KIAA0586: variants seen among roughly 807,000 people sequenced by gnomAD.
The protein encoded by KIAA0586 is KIAA0586, also known as protein TALPID3.
KIAA0586 carries 144 observed loss-of-function variants against 169.8 expected under a neutral mutation model. That is an observed-to-expected ratio of 0.85 (90% confidence interval 0.74 to 0.97). The LOEUF (loss-of-function observed/expected upper bound fraction) is 0.97, where lower values mean the gene tolerates loss of function less well. Among genes scored for constraint, KIAA0586 ranks in the 50% least tolerant of loss-of-function variants. The pLI is 0.00. For missense variants in KIAA0586, 1,854 were observed against 1,823.0 expected, an observed-to-expected ratio of 1.02 and a Z score of -0.31; for synonymous variants, 625 against 612.4, an observed-to-expected ratio of 1.02 and a Z score of -0.30.
chr14:58,495,421 C>T (rs535959088), intron 26 of KIAA0586, among the ~76,000 whole-genome samples: 1 of 152,052 alleles, frequency 6.6e-6, no homozygotes, highest in Admixed American at 6.6e-5. Context: ...CCCATCTCAG[C>T]CCCCAGAGTA....
At chr14:58,440,165 G>T in intron 4 of KIAA0586, 1 of 446,184 alleles carries the variant, frequency 2.2e-6, no homozygotes, top group Non-Finnish European at 4.5e-6. Context: ...TTACAGGCAT[G>T]TAGCACTACA....
intron 26 of KIAA0586, among the ~76,000 whole-genome samples, chr14:58,497,525 A>G (rs1358672128): frequency 6.6e-6 from 1 of 150,592 alleles, no homozygotes; most frequent in East Asian, 2.0e-4. Flanking sequence ...ACGCCTGGCT[A>G]ATTTTTGTAC....
At chr14:58,513,483 A>G (rs567627547) in intron 29 of KIAA0586, among the ~76,000 whole-genome samples, 1 of 152,148 alleles carries the variant, frequency 6.6e-6, no homozygotes, top group Admixed American at 6.6e-5. Context: ...TGCTCAAGAT[A>G]GTAAGATTAT....
intron 30 of KIAA0586, among the ~76,000 whole-genome samples, chr14:58,543,250 A>G (rs548654147): frequency 1.3e-4 from 20 of 151,430 alleles, no homozygotes; most frequent in Non-Finnish European, 2.2e-4. Context: ...ATTATTTTCT[A>G]TCCCTCTTAC....
chr14:58,459,442 CA>C (rs1175516906), intron 12 of KIAA0586, among the ~76,000 whole-genome samples: 2 of 152,068 alleles, frequency 1.3e-5, no homozygotes, highest in Non-Finnish European at 2.9e-5. Flanking sequence ...TAAACTTTCA[CA>C]TAATTTTAAT....
At chr14:58,486,445 C>T (rs1389764012) in intron 21 of KIAA0586, among the ~76,000 whole-genome samples, 2 of 151,888 alleles carry the variant, frequency 1.3e-5, no homozygotes, top group Non-Finnish European at 2.9e-5. Context: ...GTATAATGAT[C>T]CTTAGGGTAT....
intron 20 of KIAA0586, among the ~76,000 whole-genome samples, chr14:58,480,528 AACTTGCAGTT>A (rs1465779630): frequency 6.6e-6 from 1 of 152,122 alleles, no homozygotes; most frequent in Non-Finnish European, 1.5e-5. Context: ...TTGGGCCGAC[AACTTGCAGTT>A]CTGCTGGTTG....
At chr14:58,546,066 G>A (rs2046962723) in intron 30 of KIAA0586, among the ~76,000 whole-genome samples, 1 of 152,060 alleles carries the variant, frequency 6.6e-6, no homozygotes, top group Non-Finnish European at 1.5e-5. Context: ...AGTCTTTAGT[G>A]TCTATTCATT....
the KIAA0586 span, among the ~76,000 whole-genome samples, chr14:58,561,593 A>G: frequency 6.6e-6 from 1 of 152,132 alleles, no homozygotes; most frequent in African/African-American, 2.4e-5. Flanking sequence ...GCTTTTGCCG[A>G]GTATTATTAT....
intron 28 of KIAA0586, 82 bp downstream of exon 28, chr14:58,508,791 C>A: frequency 9.3e-7 from 1 of 1,077,930 alleles, no homozygotes; most frequent in Non-Finnish European, 1.3e-6. Flanking sequence ...CGTCAAGAGC[C>A]AAGCCTCTGG....
intron 19 of KIAA0586, among the ~76,000 whole-genome samples, chr14:58,475,187 G>C (rs1476530429): frequency 6.6e-6 from 1 of 152,216 alleles, no homozygotes; most frequent in Non-Finnish European, 1.5e-5. Context: ...CACAGCAGGA[G>C]GTGAGCAGCG....
At position 58,484,797 on chromosome 14, in the gene KIAA0586, T is replaced by G. The variant is rs185254162; in HGVS notation, c.3144+2085T>G. On this transcript the variant is annotated intron_variant, in intron 21 of 30. Transcript: ENST00000652326. ...TCATGGTTTTAAATTGCATCTTAAT[T>G]TGCAACCCATAATACAGAATAAAGG... Among the ~76,000 whole-genome samples the G allele has an allele frequency of 2.1e-5, 3 of 144,368 alleles. No homozygotes were observed. In the Admixed American group the frequency reaches 2.1e-4, roughly 10 times the overall value. The allele number at this position is 144,368 out of a possible 152,430, so 94.7% of individuals were successfully genotyped here. A position where few individuals can be genotyped will look rare whatever the true frequency, so the allele number is the denominator to read the frequency against.
rs3783696 is a variant in KIAA0586 at position 58,477,209 on chromosome 14, G to C, written c.2912G>C (p.Ser971Thr). The change falls in exon 20 of 31, where the codon AGT (serine) becomes ACT (threonine). Residue 971 changes from serine (S) to threonine (T), a missense_variant. By Grantham distance (58) the Ser-to-Thr change is moderately conservative (BLOSUM62 1). Coordinates refer to ENST00000652326, the MANE Select transcript of KIAA0586 (RefSeq NM_001329943.3). ...QIAPSISVSV[S>T]ETSEPLTSDI... ...GCACCTAGTATCAGTGTTTCAGTCA[G>C]TGAGACAAGTGAACCACTGACTTCT... The C allele has an allele frequency of 6.4e-7, 1 of 1,570,124 alleles. No individual in the cohort carries two copies. Among genetic ancestry groups the C allele is most frequent in the African/African-American group, 1.3e-5 (1 of 74,312 alleles).
chr14:58,489,878 C>T (rs1235762874), intron 24 of KIAA0586, among the ~76,000 whole-genome samples: 1 of 151,908 alleles, frequency 6.6e-6, no homozygotes, highest in Non-Finnish European at 1.5e-5. Context: ...ATTATATCAA[C>T]AGTATATGAG....
chr14:58,537,162 G>A (rs2046339442), intron 29 of KIAA0586: 11 of 1,064,526 alleles, frequency 1.0e-5, no homozygotes, highest in Middle Eastern at 2.6e-4. Context: ...ATCAACAAGT[G>A]AGAATTATGA....
intron 29 of KIAA0586, among the ~76,000 whole-genome samples, chr14:58,517,266 T>C (rs2044832636): frequency 6.6e-6 from 1 of 152,150 alleles, no homozygotes; most frequent in South Asian, 2.1e-4. Context: ...TTTTTAAACC[T>C]TACAAAACTC....
chr14:58,508,396 T>C lies in KIAA0586; in HGVS notation c.4169-159T>C, dbSNP rs529634804. 1.4e-4 allele frequency among the ~76,000 whole-genome samples: 22 copies of C among 152,344 alleles called. No individual in the cohort carries two copies. The East Asian group carries it at 4.2e-3, about 29-fold the overall frequency. ...CATTCTCTCTGAGTTTTGGTTTTAA[T>C]TGCAGTGAAGGCTTGGTCCAGGTGT... is the stretch of plus-strand genomic sequence containing the variant. On this transcript the variant is annotated intron_variant, in intron 27 of 30. Transcript: ENST00000652326.
chr14:58,442,968 G>C (rs971264360), intron 5 of KIAA0586, 88 bp downstream of exon 5: 2 of 939,344 alleles, frequency 2.1e-6, no homozygotes, highest in East Asian at 2.7e-5. Flanking sequence ...GTTGTGTCCA[G>C]TTATAGACTA....
At chr14:58,463,375 C>A (rs78128688) in intron 14 of KIAA0586, among the ~76,000 whole-genome samples, 2 of 152,008 alleles carry the variant, frequency 1.3e-5, no homozygotes, top group African/African-American at 4.8e-5. Context: ...ATTCCTTGTG[C>A]CAGAAACAAT....
Sources: gnomAD v4.1 joint callset for allele counts (sites outside exome capture counted in the v4.1 genomes callset) on GRCh38, gnomAD v4.1.1 for gene constraint, MANE v1.5 for transcripts, NCBI Gene and HGNC (gene_info 2026-07-23, HGNC 2026-07-21) for gene names.